The following HMGN5 variants were observed in gnomAD, a reference collection of about 807,000 sequenced individuals.
HMGN5 encodes the protein high mobility group nucleosome binding domain 5, also known as high mobility group nucleosome-binding domain-containing protein 5.
HMGN5 carries 4 observed loss-of-function variants against 9.5 expected under a neutral mutation model. That is an observed-to-expected ratio of 0.42 (90% CI 0.21 to 0.96). The LOEUF (loss-of-function observed/expected upper bound fraction) is 0.96. Among genes scored for constraint, HMGN5 ranks in the 40% least tolerant of loss-of-function variants. The probability of loss-of-function intolerance (pLI) is 0.30; values close to 1 mark genes in which losing one functional copy is unlikely to be tolerated. For synonymous variants in HMGN5, 55 were observed against 57.1 expected, an observed-to-expected ratio of 0.96 and a Z score of 0.16; for missense variants, 192 against 187.5, an observed-to-expected ratio of 1.02 and a Z score of -0.14.
chrX:81,114,909 T>C lies in HMGN5; in HGVS notation c.589A>G (p.Lys197Glu), dbSNP rs1357245708. The C allele has an allele frequency of 1.7e-6, 2 of 1,163,932 alleles. No individual in the cohort carries two copies. The highest frequency in any genetic ancestry group is 2.3e-6 in the Non-Finnish European group (2 of 872,228). Residue 197 changes from lysine to glutamate, a missense_variant, in exon 7 of 7, where the codon AAA becomes GAA. Physicochemically the swap from Lys to Glu is moderately conservative, Grantham distance 56. Transcript: ENST00000358130. ...EDGKEKGEDEKEEEDRKETGD... is the reference protein window; with the variant it reads ...EDGKEKGEDEEEEEDRKETGD... ...GTTTCTTTTCTGTCTTCTTCCTCTTTTTCATCTTCTCCTTTCTCTTTTCCA... is the reference window on the plus strand; with the variant it reads ...GTTTCTTTTCTGTCTTCTTCCTCTTCTTCATCTTCTCCTTTCTCTTTTCCA...
At chrX:81,127,980 G>A (rs2075288964) in intron 1 of HMGN5, among the ~76,000 whole-genome samples, 1 of 111,091 alleles carries the variant, frequency 9.0e-6, no homozygotes, top group Admixed American at 9.6e-5. Context: ...AAGAAAGGGA[G>A]ATTCACTAAG....
intron 1 of HMGN5, among the ~76,000 whole-genome samples, chrX:81,184,965 A>G (rs745790626): frequency 6.3e-5 from 7 of 111,566 alleles, no homozygotes; most frequent in South Asian, 3.7e-4. Flanking sequence ...TGGTTTCTCT[A>G]TTCTGCTCCA....
At chrX:81,116,139 ATTTC>A (rs1019270967) in intron 6 of HMGN5, 61 bp downstream of exon 6, 13 of 860,955 alleles carry the variant, frequency 1.5e-5, no homozygotes, top group Admixed American at 9.0e-5. Context: ...GGCAAATAGG[ATTTC>A]TTTCAGTTGT....
intron 1 of HMGN5, among the ~76,000 whole-genome samples, chrX:81,123,254 C>G (rs1041490073): frequency 1.8e-5 from 2 of 109,318 alleles, no homozygotes; most frequent in African/African-American, 6.7e-5. Context: ...CCATTCTTCC[C>G]CAGCACTGAT....
chrX:81,122,616 C>T (rs186029030), intron 1 of HMGN5, among the ~76,000 whole-genome samples: 1 of 111,596 alleles, frequency 9.0e-6, no homozygotes, highest in African/African-American at 3.3e-5. Context: ...TCATCATGGA[C>T]TTTTTTGCAA....
intron 1 of HMGN5, among the ~76,000 whole-genome samples, chrX:81,161,207 G>A (rs1569347657): frequency 9.1e-6 from 1 of 110,400 alleles, no homozygotes; most frequent in Non-Finnish European, 1.9e-5. Context: ...ACTGACCCCT[G>A]GACACATGTT....
intron 1 of HMGN5, among the ~76,000 whole-genome samples, chrX:81,150,498 G>A (rs1168552282): frequency 9.0e-6 from 1 of 111,589 alleles, no homozygotes; most frequent in Non-Finnish European, 1.9e-5. Context: ...CCCAGGAGGC[G>A]GAGGTTGCAG....
intron 2 of HMGN5, among the ~76,000 whole-genome samples, chrX:81,120,947 T>C (rs1050431900): frequency 9.0e-6 from 1 of 111,210 alleles, no homozygotes; most frequent in Non-Finnish European, 1.9e-5. Context: ...CCCTAAAGTT[T>C]CTAATTACAG....
At chrX:81,145,564 C>T (rs1276898337) in intron 1 of HMGN5, among the ~76,000 whole-genome samples, 1 of 111,882 alleles carries the variant, frequency 8.9e-6, no homozygotes, top group Admixed American at 9.5e-5. Flanking sequence ...ATTGTAAAGA[C>T]CATCGACGCT....
At chrX:81,172,946 A>G (rs1278207891) in intron 1 of HMGN5, among the ~76,000 whole-genome samples, 5 of 111,451 alleles carry the variant, frequency 4.5e-5, no homozygotes, top group Non-Finnish European at 9.5e-5. Context: ...ATATTTTGGT[A>G]GAACAATCCC....
At chrX:81,137,258 C>T (rs767279811) in intron 1 of HMGN5, among the ~76,000 whole-genome samples, 14 of 111,112 alleles carry the variant, frequency 1.3e-4, no homozygotes, top group Non-Finnish European at 2.1e-4. Flanking sequence ...ATATAACACT[C>T]CACATGAGAA....
chrX:81,119,951 C>T, intron 2 of HMGN5, 134 bp from the exon 3 acceptor site: 2 of 553,373 alleles, frequency 3.6e-6, no homozygotes, highest in South Asian at 6.4e-5. Context: ...CAAGTAGACA[C>T]GTGTTGTTTC....
intron 1 of HMGN5, among the ~76,000 whole-genome samples, chrX:81,137,723 G>A (rs1026946769): frequency 3.4e-4 from 38 of 111,286 alleles, no homozygotes; most frequent in African/African-American, 1.1e-3. Flanking sequence ...CAATGAAGTC[G>A]AAAACAGAAA....
chrX:81,120,944 G>A (rs2075266637), intron 2 of HMGN5, among the ~76,000 whole-genome samples: 1 of 110,959 alleles, frequency 9.0e-6, no homozygotes, highest in African/African-American at 3.3e-5. Flanking sequence ...CACCCCTAAA[G>A]TTTCTAATTA....
intron 1 of HMGN5, among the ~76,000 whole-genome samples, chrX:81,172,263 G>A (rs1198363853): frequency 1.8e-5 from 2 of 110,981 alleles, no homozygotes; most frequent in Admixed American, 1.9e-4. Flanking sequence ...ATGCTGATGA[G>A]AAAAAAGTTG....
At chrX:81,158,442 T>A (rs959537778) in intron 1 of HMGN5, among the ~76,000 whole-genome samples, 2 of 112,622 alleles carry the variant, frequency 1.8e-5, no homozygotes, top group Non-Finnish European at 3.7e-5. Flanking sequence ...CTTTATTTCA[T>A]ATGTTTGTTG....
chrX:81,181,466 A>C (rs2075462702), intron 1 of HMGN5, among the ~76,000 whole-genome samples: 1 of 111,145 alleles, frequency 9.0e-6, no homozygotes, highest in Admixed American at 9.6e-5. Context: ...ATCCAATTAT[A>C]CTCTTTCAGT....
At chrX:81,141,121 T>G (rs2075328099) in intron 1 of HMGN5, among the ~76,000 whole-genome samples, 1 of 111,516 alleles carries the variant, frequency 9.0e-6, no homozygotes, top group Non-Finnish European at 1.9e-5. Flanking sequence ...ATCTTATGGT[T>G]TGAGTGCCAG....
At chrX:81,188,436 G>C (rs1035380890) in intron 1 of HMGN5, among the ~76,000 whole-genome samples, 41 of 109,584 alleles carry the variant, frequency 3.7e-4, no homozygotes, top group Non-Finnish European at 7.6e-4. Context: ...GCCAAATGTT[G>C]TAATTATTGT....
Sources: allele counts gnomAD v4.1 joint callset (sites outside exome capture counted in the v4.1 genomes callset), GRCh38; gene constraint gnomAD v4.1.1; transcripts MANE v1.5; gene names NCBI Gene and HGNC (gene_info 2026-07-23, HGNC 2026-07-21).